Variants in WDPCP observed in about 807,000 individuals in gnomAD.
The protein encoded by WDPCP is WD repeat-containing and planar cell polarity effector protein fritz homolog.
In WDPCP, 71 loss-of-function variants were observed where a neutral mutation model predicts 93.1. That is an observed-to-expected ratio of 0.76 (90% confidence interval 0.63 to 0.93). The LOEUF is 0.93. Ranked by LOEUF, WDPCP falls within the 40% of genes least tolerant of loss-of-function variation. The probability of loss-of-function intolerance (pLI) is 0.00; values close to 1 mark genes in which losing one functional copy is unlikely to be tolerated. For missense variants in WDPCP, 844 were observed against 887.4 expected (o/e 0.95, Z 0.62); for synonymous variants, 315 against 315.0 (o/e 1.00, Z 0.00).
At chr2:63,608,909 A>G (rs1289090370) in intron 3 of WDPCP, among the ~76,000 whole-genome samples, 2 of 152,250 alleles carry the variant, frequency 1.3e-5, no homozygotes, top group Admixed American at 1.3e-4. Flanking sequence ...TCGGAAGCAT[A>G]AAAACAAAAT....
At chr2:63,184,646 T>C (rs188078821) in intron 14 of WDPCP, among the ~76,000 whole-genome samples, 112 of 152,288 alleles carry the variant, frequency 7.4e-4, no homozygotes, top group African/African-American at 2.6e-3. Flanking sequence ...GATTTTAGGA[T>C]TTCTTCCTTT....
intron 14 of WDPCP, chr2:63,228,945 C>T (rs1434095947): frequency 6.6e-6 from 1 of 152,068 alleles, no homozygotes; most frequent in Non-Finnish European, 1.5e-5. Flanking sequence ...TGGGTATATA[C>T]CCAGTAATGG....
intron 13 of WDPCP, among the ~76,000 whole-genome samples, chr2:63,278,112 T>C (rs1683218945): frequency 2.0e-5 from 3 of 152,206 alleles, no homozygotes; most frequent in Admixed American, 6.5e-5. Context: ...AAAGGAATCC[T>C]CAAAACCATG....
chr2:63,751,546 T>G (rs1669883052), intron 2 of WDPCP, among the ~76,000 whole-genome samples: 1 of 152,156 alleles, frequency 6.6e-6, no homozygotes, highest in African/African-American at 2.4e-5. Context: ...ACATGAGTAT[T>G]TATCTAAAAC....
intron 3 of WDPCP, among the ~76,000 whole-genome samples, chr2:63,608,894 A>G (rs890741250): frequency 1.3e-5 from 2 of 152,222 alleles, no homozygotes; most frequent in Non-Finnish European, 2.9e-5. Context: ...TAGGACTACT[A>G]TTAATCGGAA....
chr2:63,295,536 GA>G (rs1048296016), intron 13 of WDPCP, among the ~76,000 whole-genome samples: 4 of 68,888 alleles, frequency 5.8e-5, no homozygotes, highest in Non-Finnish European at 9.8e-5. Flanking sequence ...AAGGTTACAA[GA>G]GATAAAAAAA....
intron 6 of WDPCP, among the ~76,000 whole-genome samples, chr2:63,482,545 G>A (rs764454592): frequency 2.6e-5 from 4 of 151,884 alleles, no homozygotes; most frequent in African/African-American, 7.2e-5. Flanking sequence ...AGCTAATAAC[G>A]TAGCTTGAAC....
At chr2:63,783,880 T>G (rs1215499629) in intron 2 of WDPCP, among the ~76,000 whole-genome samples, 2 of 152,160 alleles carry the variant, frequency 1.3e-5, no homozygotes, top group Non-Finnish European at 2.9e-5. Flanking sequence ...GCAATATATC[T>G]ATGAAACAAA....
Position 63,174,835 on chromosome 2 carries a change from G to GT in WDPCP, c.1916-4dup. On this transcript the variant is annotated splice_polypyrimidine_tract_variant and splice_region_variant and intron_variant, in intron 14 of 17. Coordinates refer to ENST00000272321, the MANE Select transcript of WDPCP (RefSeq NM_015910.7). ...TCTGTCCAAGGGTCCCAGGAGTTCT[G>GT]TTGAAAATGATTAATATGTGAGTGA... 6.2e-7 allele frequency: 1 copy of GT among 1,613,492 alleles called. No homozygotes were observed. Among genetic ancestry groups the GT allele is most frequent in the South Asian group, 1.1e-5 (1 of 91,058 alleles).
At chr2:63,588,570 C>A, upstream of WDPCP, 1 of 551,592 alleles carries the variant, frequency 1.8e-6, no homozygotes, top group Non-Finnish European at 3.3e-6. Flanking sequence ...CTCTTTACCT[C>A]CCACGTTTAC....
chr2:63,374,974 T>G (rs1691724358), intron 12 of WDPCP, among the ~76,000 whole-genome samples: 1 of 152,134 alleles, frequency 6.6e-6, no homozygotes, highest in South Asian at 2.1e-4. Context: ...CCCCAAGTTT[T>G]GCTTAATATT....
At chr2:63,613,939 A>G (rs1397446715) in intron 3 of WDPCP, among the ~76,000 whole-genome samples, 2 of 152,210 alleles carry the variant, frequency 1.3e-5, no homozygotes, top group African/African-American at 2.4e-5. Context: ...CACTGGAGAA[A>G]AGACTAAACA....
chr2:63,595,507 C>G (rs199844838), intron 3 of WDPCP: 2 of 1,605,990 alleles, frequency 1.2e-6, no homozygotes, highest in East Asian at 2.2e-5. Context: ...CTGTGCCCTT[C>G]CCCTCCTGAA....
At chr2:63,313,886 A>ATGTGTGTGTGTATATATTT in intron 12 of WDPCP, among the ~76,000 whole-genome samples, 2 of 74,502 alleles carry the variant, frequency 2.7e-5, no homozygotes, top group African/African-American at 5.2e-5. Flanking sequence ...ATATATATAT[A>ATGTGTGTGTGTATATATTT]TTTTTTTTTT....
At chr2:63,137,110 T>G (rs775741697) in intron 17 of WDPCP, among the ~76,000 whole-genome samples, 5 of 152,322 alleles carry the variant, frequency 3.3e-5, no homozygotes, top group Non-Finnish European at 5.9e-5. Context: ...CATTTCTGGC[T>G]GTAGGACGTT....
chr2:63,447,380 T>C (rs1697938454), intron 6 of WDPCP, among the ~76,000 whole-genome samples: 1 of 152,128 alleles, frequency 6.6e-6, no homozygotes, highest in Non-Finnish European at 1.5e-5. Context: ...TTGTGTGTTA[T>C]TCAGTATTTT....
chr2:63,737,769 G>T (rs1345962394), intron 2 of WDPCP, among the ~76,000 whole-genome samples: 2 of 152,256 alleles, frequency 1.3e-5, no homozygotes, highest in East Asian at 3.9e-4. Context: ...ATACAGAACT[G>T]ACATAATTAT....
chr2:63,472,961 C>T (rs890469963), intron 6 of WDPCP, among the ~76,000 whole-genome samples: 3 of 152,214 alleles, frequency 2.0e-5, no homozygotes, highest in Non-Finnish European at 4.4e-5. Flanking sequence ...GAATTTAGTT[C>T]CATTTACGGC....
intron 3 of WDPCP, among the ~76,000 whole-genome samples, chr2:63,602,437 C>G (rs1036910822): frequency 2.0e-5 from 3 of 148,094 alleles, no homozygotes; most frequent in African/African-American, 7.5e-5. Flanking sequence ...GCCCATGTAC[C>G]CATCACCCAT....
Sources: allele counts gnomAD v4.1 joint callset (sites outside exome capture counted in the v4.1 genomes callset), GRCh38; gene constraint gnomAD v4.1.1; transcripts MANE v1.5; gene names NCBI Gene and HGNC (gene_info 2026-07-23, HGNC 2026-07-21).